The following USH2A variants were observed in gnomAD, a reference collection of about 807,000 sequenced individuals.
USH2A encodes the protein Usher syndrome 2A (autosomal recessive, mild).
Under a neutral mutation model 538.9 loss-of-function variants are expected in USH2A, and 443 were observed. The ratio of observed to expected loss-of-function variants is 0.82; its 90% CI spans 0.76 to 0.89. The LOEUF (loss-of-function observed/expected upper bound fraction) is 0.89, where lower values mean the gene tolerates loss of function less well. Ranked by LOEUF, USH2A falls within the 40% of genes least tolerant of loss-of-function variation. The probability of loss-of-function intolerance (pLI) is 0.00; values close to 1 mark genes in which losing one functional copy is unlikely to be tolerated. For synonymous variants in USH2A, 2,413 were observed against 2,273.5 expected (o/e 1.06, Z -1.75); for missense variants, 6,633 against 6,324.8 (o/e 1.05, Z -1.65).
At chr1:216,324,828 T>G (rs1255288689) in intron 6 of USH2A, among the ~76,000 whole-genome samples, 2 of 152,164 alleles carry the variant, frequency 1.3e-5, no homozygotes, top group African/African-American at 4.8e-5. Flanking sequence ...ATTGCCTAGT[T>G]CAGTTTTCAC....
intron 61 of USH2A, among the ~76,000 whole-genome samples, chr1:215,705,025 C>T (rs1659146728): frequency 6.6e-6 from 1 of 152,164 alleles, no homozygotes; most frequent in Non-Finnish European, 1.5e-5. Context: ...TATTTAAATA[C>T]ATTATCTTAT....
At chr1:215,955,293 A>G (rs964473678) in intron 37 of USH2A, among the ~76,000 whole-genome samples, 2 of 152,176 alleles carry the variant, frequency 1.3e-5, no homozygotes, top group African/African-American at 4.8e-5. Context: ...AAATAGGTTT[A>G]CAATGGGAAG....
chr1:215,990,854 C>T lies in USH2A; in HGVS notation c.6805+2166G>A, dbSNP rs867488974. Among the ~76,000 whole-genome samples, 8 of 149,260 alleles carry T rather than the reference C, an allele frequency of 5.4e-5. No homozygotes were observed. In the South Asian group the frequency reaches 8.6e-4, roughly 16 times the overall value. The stretch of plus-strand genomic sequence containing the variant: ...TCGGCTCACCGCAAGCTCCGCCTCC[C>T]AGGTTTATGCCATTCTCCTGCCTCA... On this transcript the variant is annotated intron_variant, in intron 35 of 71. Coordinates refer to ENST00000307340, the MANE Select transcript of USH2A (RefSeq NM_206933.4).
intron 47 of USH2A, among the ~76,000 whole-genome samples, chr1:215,832,622 G>A (rs537181259): frequency 2.6e-5 from 4 of 151,830 alleles, no homozygotes; most frequent in Non-Finnish European, 4.4e-5. Flanking sequence ...AAAAGGCATG[G>A]CCAAAAATTT....
At chr1:216,063,602 G>C (rs548825975) in intron 30 of USH2A, among the ~76,000 whole-genome samples, 1 of 152,168 alleles carries the variant, frequency 6.6e-6, no homozygotes, top group South Asian at 2.1e-4. Context: ...AATAAAACTG[G>C]AAAGCATAAA....
chr1:215,973,193 G>C (rs528006927), intron 35 of USH2A, among the ~76,000 whole-genome samples: 1 of 152,190 alleles, frequency 6.6e-6, no homozygotes, highest in South Asian at 2.1e-4. Context: ...TAAATCAATA[G>C]TTCCCTTTTC....
Position 215,703,209 on chromosome 1 carries a change from C to T in USH2A, c.12067-22833G>A, listed in dbSNP as rs4655417. ...AGCTTTGTCCCAGAGGGGCACCTGC[C>T]GGATGCCAGCTGGAGCTCTCCTGTA... On this transcript the variant is annotated intron_variant, in intron 61 of 71. Coordinates refer to ENST00000307340, the MANE Select transcript of USH2A (RefSeq NM_206933.4). Among the ~76,000 whole-genome samples the T allele has an allele frequency of 3.3e-3, 510 of 152,302 alleles. 3 individuals are homozygous for T. Among genetic ancestry groups the T allele is most frequent in the Admixed American group, 0.017 (257 of 15,294 alleles).
At chr1:215,795,355 T>C (rs1463448551) in intron 50 of USH2A, among the ~76,000 whole-genome samples, 1 of 152,192 alleles carries the variant, frequency 6.6e-6, no homozygotes, top group Non-Finnish European at 1.5e-5. Context: ...GTCTTAAGAA[T>C]ATGCATGCAT....
chr1:215,846,125 AAAG>A (rs1188307689), intron 44 of USH2A, 92 bp from the exon 45 acceptor site: 14 of 1,306,430 alleles, frequency 1.1e-5, no homozygotes, highest in African/African-American at 1.5e-5. Flanking sequence ...AATGAGAAAA[AAAG>A]AAGTTTAGAG....
chr1:215,828,801 A>G (rs1339783571), intron 47 of USH2A, among the ~76,000 whole-genome samples: 2 of 152,216 alleles, frequency 1.3e-5, no homozygotes, highest in Non-Finnish European at 2.9e-5. Context: ...TACTAACAGT[A>G]ATGTAATAAA....
At position 216,382,325 on chromosome 1, in the gene USH2A, G is replaced by C. The variant is rs74729783; in HGVS notation, c.652-17240C>G. Among the ~76,000 whole-genome samples the C allele has an allele frequency of 4.1e-4, 62 of 152,246 alleles. No individual in the cohort carries two copies. The East Asian group carries it at 0.011, about 28-fold the overall frequency. ...GCCAAATGAGTGAAAGGAAAAAGTA[G>C]GATTAAGCGGAATAAATAGTAAGGG... On this transcript the variant is annotated intron_variant, in intron 3 of 71. Transcript: ENST00000307340.
At position 216,422,226 on chromosome 1, in the gene USH2A, G is replaced by C; in HGVS notation, c.111C>G (p.Phe37Leu). The change falls in exon 2 of 72, where the codon TTC becomes TTG. Residue 37 changes from phenylalanine to leucine, a missense_variant. Physicochemically the swap from Phe to Leu is conservative, Grantham distance 22 (BLOSUM62 0). Transcript: ENST00000307340. The part of the protein sequence containing the change: ...SISLTESRGL[F>L]PRLENVGAFK... ...AAGCTCCCACGTTCTCCAGCCTTGG[G>C]AAAAGACCTCGTGACTCAGTCAAGG... 6.2e-7 allele frequency: 1 copy of C among 1,612,742 alleles called. No individual in the cohort carries two copies. Among genetic ancestry groups the C allele is most frequent in the South Asian group, 1.1e-5 (1 of 91,040 alleles).
At chr1:215,949,474 T>G (rs1200540600) in intron 37 of USH2A, among the ~76,000 whole-genome samples, 1 of 151,396 alleles carries the variant, frequency 6.6e-6, no homozygotes, top group Non-Finnish European at 1.5e-5. Flanking sequence ...TTAACAGAAA[T>G]GAATAATAAC....
intron 27 of USH2A, among the ~76,000 whole-genome samples, chr1:216,076,125 T>C (rs2031739795): frequency 6.6e-6 from 1 of 152,178 alleles, no homozygotes; most frequent in Non-Finnish European, 1.5e-5. Context: ...TGAGTCAGAA[T>C]CTTAGGGGAC....
At chr1:216,145,058 G>A (rs1183557055) in intron 21 of USH2A, among the ~76,000 whole-genome samples, 3 of 152,128 alleles carry the variant, frequency 2.0e-5, no homozygotes, top group Admixed American at 2.0e-4. Flanking sequence ...TCACCTCTCT[G>A]CTGCTCTCTG....
Position 216,198,491 on chromosome 1 carries a change from C to T in USH2A, c.3905G>A (p.Trp1302Ter). 6.2e-7 allele frequency: 1 copy of T among 1,613,982 alleles called. No individual in the cohort carries two copies. Among genetic ancestry groups the T allele is most frequent in the Non-Finnish European group, 8.5e-7 (1 of 1,179,958 alleles). ...TTCTACAAATGAATGAGGACTGAGC[C>T]AACCACTGCTCTGAAAAACTCGACT... The part of the protein sequence containing the change: ...EESRVFQSSG[W>*]LSPHSFVESA... The change falls in exon 18 of 72, where the codon TGG (tryptophan) becomes TAG (stop). Residue 1302 changes from tryptophan to a stop codon, truncating the protein, a stop_gained. Coordinates refer to ENST00000307340, the MANE Select transcript of USH2A (RefSeq NM_206933.4). LOFTEE classifies it high-confidence loss of function.
chr1:216,192,921 G>A (rs1008298098), intron 19 of USH2A, among the ~76,000 whole-genome samples: 1 of 152,048 alleles, frequency 6.6e-6, no homozygotes, highest in Non-Finnish European at 1.5e-5. Context: ...TCTTTAAGCA[G>A]GTAGGTGAGC....
At chr1:216,409,339 A>G (rs2039444682) in intron 3 of USH2A, among the ~76,000 whole-genome samples, 1 of 152,190 alleles carries the variant, frequency 6.6e-6, no homozygotes, top group Non-Finnish European at 1.5e-5. Context: ...TGCTATTTCT[A>G]TCAAACAAAC....
intron 11 of USH2A, among the ~76,000 whole-genome samples, chr1:216,285,679 C>T: frequency 6.6e-6 from 1 of 152,314 alleles, no homozygotes; most frequent in East Asian, 1.9e-4. Flanking sequence ...CACAGACACT[C>T]AATGCCAGCC....
Sources: allele counts gnomAD v4.1 joint callset (sites outside exome capture counted in the v4.1 genomes callset), GRCh38; gene constraint gnomAD v4.1.1; transcripts MANE v1.5; gene names NCBI Gene and HGNC (gene_info 2026-07-23, HGNC 2026-07-21).